IQSEC3: variants seen among roughly 807,000 people sequenced by gnomAD.
IQSEC3 encodes IQ motif and SEC7 domain-containing protein 3.
In IQSEC3, 50 loss-of-function variants were observed where a neutral mutation model predicts 105.4. The ratio of observed to expected loss-of-function variants is 0.47; its 90% CI spans 0.38 to 0.60. IQSEC3 has a LOEUF of 0.60. IQSEC3 is among the 20% of genes least tolerant of loss of function. The pLI is 0.00. For synonymous variants in IQSEC3, 708 were observed against 746.0 expected (o/e 0.95, Z 0.83); for missense variants, 1,415 against 1,630.0 (o/e 0.87, Z 2.27).
At chr12:73,666 T>C (rs1480326825) in intron 1 of IQSEC3, among the ~76,000 whole-genome samples, 1 of 151,656 alleles carries the variant, frequency 6.6e-6, no homozygotes, top group Non-Finnish European at 1.5e-5. Flanking sequence ...CGAGACTCCA[T>C]GACCCCAAAA....
Position 125,627 on chromosome 12 carries a change from TCA to T in IQSEC3, c.624-3_624-2del. On this transcript the variant is annotated splice_polypyrimidine_tract_variant and splice_region_variant and intron_variant, in intron 2 of 13. Transcript: ENST00000538872. ...CCAACCGAGCACCGTTGCCTTCTGTTCACAGTGATGGCTCCTGCACCCAGGCC... is the reference window on the plus strand; with the variant it reads ...CCAACCGAGCACCGTTGCCTTCTGTTCAGTGATGGCTCCTGCACCCAGGCC... 6.7e-7 allele frequency: 1 copy of T among 1,496,134 alleles called. No homozygotes were observed. The highest frequency in any genetic ancestry group is 8.8e-7 in the Non-Finnish European group (1 of 1,134,598). The allele number at this position is 1,496,134 out of a possible 1,614,324, so 92.7% of individuals were successfully genotyped here. A position where few individuals can be genotyped will look rare whatever the true frequency, so the allele number is the denominator to read the frequency against.
chr12:89,329 T>C (rs1864012350), intron 1 of IQSEC3, among the ~76,000 whole-genome samples: 1 of 152,098 alleles, frequency 6.6e-6, no homozygotes, highest in Non-Finnish European at 1.5e-5. Flanking sequence ...GGTTAATCAT[T>C]AGGTGATCTG....
rs1221691608 is a variant in IQSEC3 at position 138,520 on chromosome 12, C to T, written c.1157C>T (p.Ser386Phe). The T allele has an allele frequency of 1.5e-5, 23 of 1,579,124 alleles. No individual in the cohort carries two copies. The highest frequency in any genetic ancestry group is 1.8e-5 in the Admixed American group (1 of 56,980). Reference protein sequence around the residue: ...LVGLPLVRSPSLPPTFAGTLT... With the variant: ...LVGLPLVRSPFLPPTFAGTLT... The stretch of plus-strand genomic sequence containing the variant: ...GGGCTGCCGCTGGTGCGCTCGCCCT[C>T]CCTGCCGCCCACCTTCGCAGGCACC... Residue 386 changes from serine (S) to phenylalanine (F), a missense_variant, in exon 4 of 14, where the codon TCC (serine) becomes TTC (phenylalanine). Ser to Phe is a radical substitution (Grantham distance 155). Around this residue, in one of 6 missense-constraint regions of IQSEC3, gnomAD observed 720 missense variants for 633.0 expected, o/e 1.14. Coordinates refer to ENST00000538872, the MANE Select transcript of IQSEC3 (RefSeq NM_001170738.2). This position sits in a 1 kb window ranked among gnomAD's most constrained non-coding sequence, Gnocchi z 7.1.
chr12:115,985 A>G (rs532928056), intron 2 of IQSEC3, among the ~76,000 whole-genome samples: 8 of 152,346 alleles, frequency 5.3e-5, no homozygotes, highest in Admixed American at 3.9e-4. Context: ...TTCTGAAATT[A>G]TATTCTTCCT....
intron 3 of IQSEC3, among the ~76,000 whole-genome samples, chr12:130,802 G>T (rs1012263434): frequency 6.6e-6 from 1 of 152,212 alleles, no homozygotes; most frequent in Non-Finnish European, 1.5e-5. Context: ...CAGACCCAAG[G>T]CTCCTGTGGG....
chr12:108,492 T>TG (rs1176992128), intron 2 of IQSEC3, among the ~76,000 whole-genome samples: 5 of 152,272 alleles, frequency 3.3e-5, no homozygotes, highest in African/African-American at 4.8e-5. Context: ...TCACTCAGGA[T>TG]GGCCTATTCA....
In IQSEC3 at chr12:139,113, G is replaced by A. The variant is rs782395409; in HGVS notation, c.1750G>A (p.Gly584Arg). Residue 584 changes from glycine (G) to arginine (R), a missense_variant, in exon 4 of 14, where the codon GGG becomes AGG. Coordinates refer to ENST00000538872, the MANE Select transcript of IQSEC3 (RefSeq NM_001170738.2). Reference protein sequence around the residue: ...EEEEEETAEVGRGAEAEAGDL... With the variant: ...EEEEEETAEVRRGAEAEAGDL... ...GGAGGAGGAGGAGACGGCGGAGGTG[G>A]GGAGAGGGGCCGAGGCCGAGGCAGG... 2.6e-6 allele frequency: 4 copies of A among 1,509,634 alleles called. No homozygotes were observed. Among genetic ancestry groups the A allele is most frequent in the Non-Finnish European group, 3.5e-6 (4 of 1,127,408 alleles). The allele number at this position is 1,509,634 out of a possible 1,614,324, so 93.5% of individuals were successfully genotyped here.
intron 3 of IQSEC3, among the ~76,000 whole-genome samples, chr12:135,086 T>C (rs571083983): frequency 1.3e-5 from 2 of 152,240 alleles, no homozygotes; most frequent in South Asian, 2.1e-4. Context: ...GCCGAGATCG[T>C]GCCACTGCAC....
chr12:117,896 G>A (rs1555081019), intron 2 of IQSEC3, among the ~76,000 whole-genome samples: 3 of 152,196 alleles, frequency 2.0e-5, no homozygotes, highest in Non-Finnish European at 4.4e-5. Context: ...GCCATGGCAG[G>A]GGAGGCTTAT....
rs1303973530 is a variant in IQSEC3 at position 157,186 on chromosome 12, A to T, written c.2276+39A>T. 4 of 1,492,446 alleles carry T rather than the reference A, an allele frequency of 2.7e-6. 1 individual carries two copies. The Admixed American group carries it at 9.4e-5, about 35-fold the overall frequency. The allele number at this position is 1,492,446 out of a possible 1,614,324, so 92.5% of individuals were successfully genotyped here. A position where few individuals can be genotyped will look rare whatever the true frequency, so the allele number is the denominator to read the frequency against. On this transcript the variant is annotated intron_variant, in intron 6 of 13. Transcript: ENST00000538872. ...CCAGCTCCACTCCCCAACAGACCCC[A>T]GCGTGGGGAAGCCGGGCCGCTGTGA... is the stretch of plus-strand genomic sequence containing the variant.
chr12:134,911 G>C (rs1463618211), intron 3 of IQSEC3, among the ~76,000 whole-genome samples: 1 of 152,072 alleles, frequency 6.6e-6, no homozygotes, highest in Non-Finnish European at 1.5e-5. Flanking sequence ...GGATCACCAA[G>C]GCACCAGGAG....
At chr12:75,952 C>T (rs1555068922) in intron 1 of IQSEC3, among the ~76,000 whole-genome samples, 3 of 152,214 alleles carry the variant, frequency 2.0e-5, no homozygotes, top group Non-Finnish European at 2.9e-5. Context: ...AGACTGCCCC[C>T]GGCAATAAAC....
chr12:100,697 G>T (rs368226144), intron 2 of IQSEC3, among the ~76,000 whole-genome samples: 36 of 152,250 alleles, frequency 2.4e-4, no homozygotes, highest in African/African-American at 8.7e-4. Context: ...CAGGCCTGGG[G>T]ACATAAAAGC....
At position 128,386 on chromosome 12, in the gene IQSEC3, G is replaced by T. The variant is rs565106978; in HGVS notation, c.903+2474G>T. ...AAATGATCACTTAGTGACATAAAGG[G>T]GGATGGGATGGGTATACAGCATGGC... On this transcript the variant is annotated intron_variant, in intron 3 of 13. Transcript: ENST00000538872. Among the ~76,000 whole-genome samples, 4 of 152,276 alleles carry T rather than the reference G, an allele frequency of 2.6e-5. No individual in the cohort carries two copies. The East Asian group carries it at 7.7e-4, about 29-fold the overall frequency.
intron 1 of IQSEC3, among the ~76,000 whole-genome samples, chr12:98,902 A>G (rs148354786): frequency 1.3e-5 from 2 of 152,290 alleles, no homozygotes; most frequent in African/African-American, 4.8e-5. Context: ...GAGGTCAAGG[A>G]GGCTGCACAC....
chr12:107,627 G>A (rs368974095), intron 2 of IQSEC3, among the ~76,000 whole-genome samples: 9 of 151,752 alleles, frequency 5.9e-5, no homozygotes, highest in African/African-American at 1.9e-4. Context: ...AGCCAGGATG[G>A]TCTCGATCTC....
chr12:119,182 G>A (rs538731053), intron 2 of IQSEC3, among the ~76,000 whole-genome samples: 14 of 152,212 alleles, frequency 9.2e-5, no homozygotes, highest in South Asian at 2.1e-4. Flanking sequence ...GCTCTCTTCC[G>A]TTTGCGTGAG....
At chr12:157,200 G>A (rs964124155) in intron 6 of IQSEC3, 53 bp downstream of exon 6, 36 of 1,473,768 alleles carry the variant, frequency 2.4e-5, no homozygotes, top group Middle Eastern at 3.8e-4. Flanking sequence ...TGGGGAAGCC[G>A]GGCCGCTGTG....
intron 12 of IQSEC3, 128 bp from the exon 13 acceptor site, chr12:170,984 A>G: frequency 8.7e-7 from 1 of 1,147,894 alleles, no homozygotes; most frequent in Admixed American, 1.9e-5. Context: ...GGGGCTCCCA[A>G]CCTCCGCCTC....
Sources: gnomAD v4.1 joint callset for allele counts (sites outside exome capture counted in the v4.1 genomes callset) on GRCh38, gnomAD v4.1.1 for gene constraint, gnomAD v4.1.1 regional missense constraint, Gnocchi (gnomAD v3.1) non-coding constraint, MANE v1.5 for transcripts, NCBI Gene and HGNC (gene_info 2026-07-23, HGNC 2026-07-21) for gene names.